Variants in LOC128462377 observed in about 807,000 individuals in gnomAD.
chr16:89,326,407 C>A, the LOC128462377 span, among the ~76,000 whole-genome samples: 1 of 151,328 alleles, frequency 6.6e-6, no homozygotes, highest in Non-Finnish European at 1.5e-5. Flanking sequence ...AGAAGGTGCA[C>A]ACCACTCAGC....
At chr16:89,372,646 A>AT in the LOC128462377 span, among the ~76,000 whole-genome samples, 99 of 152,286 alleles carry the variant, frequency 6.5e-4, 1 homozygote, top group African/African-American at 2.3e-3. Flanking sequence ...AAAGAAAAAA[A>AT]TTTTTTTGAA....
At chr16:89,351,550 T>G in the LOC128462377 span, among the ~76,000 whole-genome samples, 1 of 152,174 alleles carries the variant, frequency 6.6e-6, no homozygotes, top group Non-Finnish European at 1.5e-5. Flanking sequence ...ATACAGACTC[T>G]CGGGCAGGTC....
chr16:89,375,177 T>C, the LOC128462377 span, among the ~76,000 whole-genome samples: 1 of 152,130 alleles, frequency 6.6e-6, no homozygotes, highest in East Asian at 1.9e-4. Flanking sequence ...AGCCACAGCC[T>C]GTGCTACCGC....
the LOC128462377 span, among the ~76,000 whole-genome samples, chr16:89,352,317 C>T: frequency 6.6e-6 from 1 of 151,808 alleles, no homozygotes; most frequent in African/African-American, 2.4e-5. Flanking sequence ...GGTGCAGAGC[C>T]CTGGGGGAAG....
the LOC128462377 span, among the ~76,000 whole-genome samples, chr16:89,405,546 C>A: frequency 6.9e-6 from 1 of 144,898 alleles, no homozygotes; most frequent in African/African-American, 2.6e-5. Context: ...GTTGTCCGGG[C>A]TGGTCTCGAA....
chr16:89,399,985 G>A, the LOC128462377 span, among the ~76,000 whole-genome samples: 2 of 151,040 alleles, frequency 1.3e-5, no homozygotes, highest in African/African-American at 4.9e-5. Flanking sequence ...GGCTTCCTGC[G>A]CTGGGGGCCG....
At chr16:89,318,497 G>A in the LOC128462377 span, among the ~76,000 whole-genome samples, 1 of 152,152 alleles carries the variant, frequency 6.6e-6, no homozygotes, top group Non-Finnish European at 1.5e-5. Context: ...TCTGCAACTC[G>A]CTCCCCTGCA....
the LOC128462377 span, among the ~76,000 whole-genome samples, chr16:89,347,158 G>A: frequency 1.3e-5 from 2 of 152,334 alleles, no homozygotes; most frequent in Admixed American, 6.5e-5. Context: ...CAAGCAGCTT[G>A]CTGAAATGGA....
chr16:89,413,743 C>T, the LOC128462377 span, among the ~76,000 whole-genome samples: 3 of 152,210 alleles, frequency 2.0e-5, no homozygotes, highest in Non-Finnish European at 4.4e-5. Flanking sequence ...GAGCATTCTA[C>T]GGCAGGACAC....
chr16:89,389,420 GA>G, the LOC128462377 span, among the ~76,000 whole-genome samples: 7 of 151,804 alleles, frequency 4.6e-5, no homozygotes, highest in African/African-American at 1.7e-4. Flanking sequence ...TTACATAGGA[GA>G]AAAAAAAGTC....
chr16:89,387,398 C>T, the LOC128462377 span, among the ~76,000 whole-genome samples: 1 of 151,880 alleles, frequency 6.6e-6, no homozygotes, highest in Non-Finnish European at 1.5e-5. Context: ...TTGGGCCGGG[C>T]GCGGTGGCTC....
At chr16:89,320,241 C>G in the LOC128462377 span, 1 of 152,352 alleles carries the variant, frequency 6.6e-6, no homozygotes, top group African/African-American at 2.4e-5. Flanking sequence ...TGCTGCACAG[C>G]CGACCACACA....
At chr16:89,358,827 T>C in the LOC128462377 span, among the ~76,000 whole-genome samples, 1 of 151,910 alleles carries the variant, frequency 6.6e-6, no homozygotes, top group Admixed American at 6.5e-5. Flanking sequence ...GTTTTTTGCC[T>C]GTAGGTTTTT....
chr16:89,326,184 C>T, the LOC128462377 span, among the ~76,000 whole-genome samples: 3 of 152,174 alleles, frequency 2.0e-5, no homozygotes, highest in South Asian at 2.1e-4. Context: ...TAATCATGGC[C>T]GTAAGGCAGG....
the LOC128462377 span, among the ~76,000 whole-genome samples, chr16:89,321,959 A>G: frequency 6.6e-6 from 1 of 152,080 alleles, no homozygotes. Flanking sequence ...GCTTAAGTCT[A>G]TTTTCTCCTC....
the LOC128462377 span, among the ~76,000 whole-genome samples, chr16:89,415,595 T>A: frequency 6.6e-6 from 1 of 151,434 alleles, no homozygotes; most frequent in African/African-American, 2.4e-5. Context: ...TGCATTTTAA[T>A]GCCAGATAAA....
At chr16:89,361,796 G>A in the LOC128462377 span, 1 of 152,114 alleles carries the variant, frequency 6.6e-6, no homozygotes, top group Non-Finnish European at 1.5e-5. Context: ...AAAGTAAAAA[G>A]ATTTAAGCTT....
At chr16:89,415,828 T>C in the LOC128462377 span, among the ~76,000 whole-genome samples, 2 of 21,722 alleles carry the variant, frequency 9.2e-5, no homozygotes, top group Admixed American at 5.0e-4. Context: ...AGACTCTGTC[T>C]CAAAAAAAAA....
the LOC128462377 span, among the ~76,000 whole-genome samples, chr16:89,335,394 A>G: frequency 2.0e-5 from 3 of 152,174 alleles, no homozygotes; most frequent in Non-Finnish European, 4.4e-5. Context: ...GAAGCATGGG[A>G]GCAGCTTGAG....
Sources: gnomAD v4.1 joint callset for allele counts (sites outside exome capture counted in the v4.1 genomes callset) on GRCh38, gnomAD v4.1.1 for gene constraint, MANE v1.5 for transcripts.